CREB5: variants seen among roughly 807,000 people sequenced by gnomAD.
The protein encoded by CREB5 is cyclic AMP-responsive element-binding protein 5.
In CREB5, 19 loss-of-function variants were observed where a neutral mutation model predicts 57.1. The observed-to-expected ratio is 0.33, with a 90% CI of 0.23 to 0.49. CREB5 has a LOEUF of 0.49. CREB5 is among the 20% of genes least tolerant of loss of function. The pLI, the probability that CREB5 is intolerant of heterozygous loss-of-function variation, is 0.99. For missense variants in CREB5, 579 were observed against 671.6 expected, an observed-to-expected ratio of 0.86 and a Z score of 1.52; for synonymous variants, 238 against 238.3, an observed-to-expected ratio of 1.00 and a Z score of 0.01.
intron 1 of CREB5, among the ~76,000 whole-genome samples, chr7:28,326,203 AT>A (rs1200505244): frequency 3.2e-4 from 42 of 131,858 alleles, no homozygotes; most frequent in African/African-American, 5.5e-4. Flanking sequence ...CTATCTATCT[AT>A]CTATCTACCT....
intron 1 of CREB5, among the ~76,000 whole-genome samples, chr7:28,344,944 T>A (rs967423515): frequency 6.6e-6 from 1 of 152,154 alleles, no homozygotes; most frequent in Admixed American, 6.5e-5. Flanking sequence ...AAGGGTACAA[T>A]TCATCTAGAA....
At chr7:28,410,974 C>T (rs539604716), upstream of CREB5, among the ~76,000 whole-genome samples, 14 of 152,262 alleles carry the variant, frequency 9.2e-5, no homozygotes, top group South Asian at 2.7e-3. Context: ...CTAGCCCCGC[C>T]CCCGCCTTTT....
chr7:28,737,989 T>G (rs1804124017), intron 7 of CREB5, among the ~76,000 whole-genome samples: 1 of 152,248 alleles, frequency 6.6e-6, no homozygotes, highest in South Asian at 2.1e-4. Flanking sequence ...ACACATGTTA[T>G]TGTTTTATGG....
Position 28,494,247 on chromosome 7 carries a change from A to G in CREB5, c.76-659A>G, listed in dbSNP as rs189889375. Among the ~76,000 whole-genome samples, 389 of 152,320 alleles carry G rather than the reference A, an allele frequency of 2.6e-3. 2 individuals carry two copies. Among genetic ancestry groups the G allele is most frequent in the African/African-American group, 8.7e-3 (361 of 41,580 alleles). The stretch of plus-strand genomic sequence containing the variant: ...GGTTTTCTCATATGTATAAGAAGAA[A>G]TGGAAAAATTTTAACTCGTCATGCT... On this transcript the variant is annotated intron_variant, in intron 2 of 10. Coordinates refer to ENST00000357727, the MANE Select transcript of CREB5 (RefSeq NM_182898.4).
At chr7:28,637,366 A>G (rs1212664680) in intron 5 of CREB5, among the ~76,000 whole-genome samples, 1 of 152,126 alleles carries the variant, frequency 6.6e-6, no homozygotes, top group Non-Finnish European at 1.5e-5. Flanking sequence ...GGGGCTTTTT[A>G]TGTAGAAGTC....
At chr7:28,753,777 A>T (rs1805119520) in intron 7 of CREB5, among the ~76,000 whole-genome samples, 3 of 152,252 alleles carry the variant, frequency 2.0e-5, no homozygotes, top group Admixed American at 2.0e-4. Context: ...AAATTAGATG[A>T]TGTGCATTTG....
chr7:28,517,642 C>T (rs1461021199), intron 4 of CREB5, among the ~76,000 whole-genome samples: 1 of 152,118 alleles, frequency 6.6e-6, no homozygotes, highest in Non-Finnish European at 1.5e-5. Context: ...GGCTTACAAG[C>T]CGGTTGGGTT....
chr7:28,753,682 A>C (rs1382885442), intron 7 of CREB5, among the ~76,000 whole-genome samples: 1 of 152,216 alleles, frequency 6.6e-6, no homozygotes, highest in Non-Finnish European at 1.5e-5. Flanking sequence ...AATTTATTCC[A>C]AATATTTATG....
At chr7:28,709,496 A>T (rs1270500705) in intron 5 of CREB5, among the ~76,000 whole-genome samples, 1 of 152,142 alleles carries the variant, frequency 6.6e-6, no homozygotes, top group African/African-American at 2.4e-5. Flanking sequence ...ATGATCATAA[A>T]TTCGGATCTC....
At chr7:28,594,033 C>G (rs1796615097) in intron 5 of CREB5, among the ~76,000 whole-genome samples, 3 of 152,334 alleles carry the variant, frequency 2.0e-5, no homozygotes, top group Non-Finnish European at 1.5e-5. Context: ...CCTTGTCAAT[C>G]ACTTCTGCAG....
At position 28,437,483 on chromosome 7, in the gene CREB5, C is replaced by T. The variant is rs117484824; in HGVS notation, c.3+24566C>T. The stretch of plus-strand genomic sequence containing the variant: ...CCCAAATCCCACTGAATCTTAGTTC[C>T]ATAGATCTTCCTTCTATCATCTTCT... On this transcript the variant is annotated intron_variant, in intron 1 of 10. Coordinates refer to ENST00000357727, the MANE Select transcript of CREB5 (RefSeq NM_182898.4). Among the ~76,000 whole-genome samples the T allele has an allele frequency of 7.2e-3, 1,098 of 152,206 alleles. 10 individuals carry two copies. Among genetic ancestry groups the T allele is most frequent in the Non-Finnish European group, 7.3e-3 (493 of 67,994 alleles).
intron 1 of CREB5, among the ~76,000 whole-genome samples, chr7:28,348,408 T>TCACACACACA (rs59152695): frequency 5.1e-5 from 6 of 118,236 alleles, no homozygotes; most frequent in African/African-American, 1.6e-4. Context: ...TCTCTCTCTC[T>TCACACACACA]CACACACACA....
upstream of CREB5, among the ~76,000 whole-genome samples, chr7:28,411,061 T>C (rs1787774253): frequency 6.6e-6 from 1 of 152,230 alleles, no homozygotes; most frequent in South Asian, 2.1e-4. Flanking sequence ...CCACTGTACC[T>C]GATCAGCGCG....
At chr7:28,677,447 C>A (rs1005000606) in intron 5 of CREB5, among the ~76,000 whole-genome samples, 4 of 152,154 alleles carry the variant, frequency 2.6e-5, no homozygotes, top group Non-Finnish European at 4.4e-5. Flanking sequence ...CTGATGTTTG[C>A]TGGTTGGAGT....
At chr7:28,485,487 G>C (rs1311381343) in intron 1 of CREB5, among the ~76,000 whole-genome samples, 1 of 151,884 alleles carries the variant, frequency 6.6e-6, no homozygotes, top group Non-Finnish European at 1.5e-5. Context: ...TTAGAGTGAA[G>C]TTTCGGTAAC....
chr7:28,312,662 G>A (rs1394353347), intron 1 of CREB5, among the ~76,000 whole-genome samples: 3 of 152,158 alleles, frequency 2.0e-5, no homozygotes, highest in Admixed American at 2.0e-4. Flanking sequence ...AGGTTGTTAT[G>A]GAGACTAAAT....
chr7:28,426,949 C>T (rs1788532929), intron 1 of CREB5, among the ~76,000 whole-genome samples: 1 of 152,132 alleles, frequency 6.6e-6, no homozygotes, highest in Non-Finnish European at 1.5e-5. Context: ...CATAAACTTC[C>T]TAGAATCAGC....
At chr7:28,760,653 A>T (rs10228068) in intron 7 of CREB5, among the ~76,000 whole-genome samples, 27,959 of 152,114 alleles carry the variant, frequency 0.18, 2,827 homozygotes, top group African/African-American at 0.26. Context: ...AAAATATAGC[A>T]TTCTCTTATG....
At chr7:28,688,720 A>G (rs573631715) in intron 5 of CREB5, among the ~76,000 whole-genome samples, 137 of 152,302 alleles carry the variant, frequency 9.0e-4, no homozygotes, top group African/African-American at 3.1e-3. Flanking sequence ...ACAGGGAAGG[A>G]CCTTAACTAT....
Sources: allele counts gnomAD v4.1 joint callset (sites outside exome capture counted in the v4.1 genomes callset), GRCh38; gene constraint gnomAD v4.1.1; transcripts MANE v1.5; gene names NCBI Gene and HGNC (gene_info 2026-07-23, HGNC 2026-07-21).